GPC5: variants seen among roughly 807,000 people sequenced by gnomAD.
GPC5 encodes the protein glypican-5.
GPC5 carries 47 observed loss-of-function variants against 53.9 expected under a neutral mutation model. The ratio of observed to expected loss-of-function variants is 0.87; its 90% confidence interval spans 0.69 to 1.11. GPC5 has a LOEUF of 1.11. Among genes scored for constraint, GPC5 ranks in the 50% most tolerant of loss-of-function variants. The probability of loss-of-function intolerance (pLI) is 0.00; values close to 1 mark genes in which losing one functional copy is unlikely to be tolerated. For synonymous variants in GPC5, 286 were observed against 263.3 expected (o/e 1.09, Z -0.84); for missense variants, 748 against 713.1 (o/e 1.05, Z -0.56).
In GPC5 at chr13:91,400,190, T is replaced by C. The variant is rs192726719; in HGVS notation, c.163+981T>C. ...ACAGACGAATCTGTGAGGTTACTGG[T>C]TGAACAAAGAACTTGTGGAGGACGC... On this transcript the variant is annotated intron_variant, in intron 1 of 7. Coordinates refer to ENST00000377067, the MANE Select transcript of GPC5 (RefSeq NM_004466.6). Among the ~76,000 whole-genome samples the C allele has an allele frequency of 1.7e-4, 26 of 152,280 alleles. No individual in the cohort carries two copies. The East Asian group carries it at 2.5e-3, about 15-fold the overall frequency.
chr13:91,404,707 C>A (rs188407067), intron 1 of GPC5, among the ~76,000 whole-genome samples: 1 of 152,146 alleles, frequency 6.6e-6, no homozygotes, highest in Non-Finnish European at 1.5e-5. Flanking sequence ...TGCAGTGTAC[C>A]TTTATAGAAA....
At chr13:92,722,322 T>TA (rs1818599500) in intron 7 of GPC5, among the ~76,000 whole-genome samples, 1 of 151,976 alleles carries the variant, frequency 6.6e-6, no homozygotes, top group African/African-American at 2.4e-5. Context: ...TTTACTTATA[T>TA]AGACACTATC....
intron 6 of GPC5, among the ~76,000 whole-genome samples, chr13:92,014,465 A>G (rs2040689857): frequency 6.6e-6 from 1 of 152,162 alleles, no homozygotes; most frequent in African/African-American, 2.4e-5. Context: ...TTTCTGGTAT[A>G]ATTCAGAAAA....
At chr13:92,823,681 A>T (rs886793434) in intron 7 of GPC5, among the ~76,000 whole-genome samples, 10 of 152,134 alleles carry the variant, frequency 6.6e-5, no homozygotes, top group African/African-American at 2.4e-4. Flanking sequence ...CATTGCAATT[A>T]AAAAATACAG....
intron 6 of GPC5, among the ~76,000 whole-genome samples, chr13:91,942,207 A>G (rs2039933727): frequency 6.6e-6 from 1 of 152,096 alleles, no homozygotes; most frequent in African/African-American, 2.4e-5. Flanking sequence ...TTCTTTAAGG[A>G]TCCCATATTT....
chr13:91,815,934 T>C (rs2038392387), intron 5 of GPC5, among the ~76,000 whole-genome samples: 1 of 152,178 alleles, frequency 6.6e-6, no homozygotes, highest in Non-Finnish European at 1.5e-5. Flanking sequence ...CCCCAGCACA[T>C]CATGAAATAC....
chr13:92,574,905 G>A (rs139035130), intron 7 of GPC5, among the ~76,000 whole-genome samples: 174 of 152,220 alleles, frequency 1.1e-3, no homozygotes, highest in African/African-American at 4.0e-3. Context: ...TCTCAGAATG[G>A]ACCAAAAGGA....
intron 5 of GPC5, among the ~76,000 whole-genome samples, chr13:91,760,487 A>G (rs1472184514): frequency 6.6e-6 from 1 of 152,312 alleles, no homozygotes; most frequent in South Asian, 2.1e-4. Flanking sequence ...TGGGGATGAT[A>G]GAGTGTTTTC....
intron 5 of GPC5, among the ~76,000 whole-genome samples, chr13:91,906,732 A>G (rs1378009120): frequency 6.6e-6 from 1 of 151,958 alleles, no homozygotes; most frequent in Non-Finnish European, 1.5e-5. Flanking sequence ...ATTTTTATTA[A>G]TTCTAAGTTG....
intron 7 of GPC5, among the ~76,000 whole-genome samples, chr13:92,219,129 C>T (rs762719443): frequency 2.0e-5 from 3 of 152,088 alleles, no homozygotes; most frequent in Non-Finnish European, 2.9e-5. Flanking sequence ...GGTTTGGACT[C>T]TCCAGTTCAA....
chr13:92,489,149 A>G (rs1879666603), intron 7 of GPC5, among the ~76,000 whole-genome samples: 1 of 152,214 alleles, frequency 6.6e-6, no homozygotes, highest in African/African-American at 2.4e-5. Context: ...CAAGGTGGCT[A>G]GTCTACTGCT....
intron 7 of GPC5, among the ~76,000 whole-genome samples, chr13:92,154,236 C>G (rs1474266221): frequency 6.6e-6 from 1 of 152,138 alleles, no homozygotes; most frequent in East Asian, 1.9e-4. Flanking sequence ...GGGCACCAAG[C>G]CATTCATGAG....
intron 1 of GPC5, among the ~76,000 whole-genome samples, chr13:91,413,374 A>G (rs958294352): frequency 2.6e-5 from 4 of 152,206 alleles, no homozygotes; most frequent in African/African-American, 9.7e-5. Flanking sequence ...AACTACTTAC[A>G]TATCGATTTA....
rs180684163 is a variant in GPC5 at position 92,605,589 on chromosome 13, T to A, written c.1562-260693T>A. On this transcript the variant is annotated intron_variant, in intron 7 of 7. Transcript: ENST00000377067. ...CCGTATTCACTAGTTTTTTTTTTTT[T>A]TTTATTTTTTTGAGACGGAGTCTCG... Among the ~76,000 whole-genome samples, 33 of 149,650 alleles carry A rather than the reference T, an allele frequency of 2.2e-4. 1 individual carries two copies. The highest frequency in any genetic ancestry group is 3.4e-3 in the Middle Eastern group (1 of 290).
intron 7 of GPC5, among the ~76,000 whole-genome samples, chr13:92,321,787 G>A (rs1167594999): frequency 1.3e-5 from 2 of 152,088 alleles, no homozygotes; most frequent in Non-Finnish European, 2.9e-5. Flanking sequence ...CAACTTACAT[G>A]TTCATTGCAT....
In GPC5 at chr13:91,943,352, T is replaced by TC. The variant is rs560809925; in HGVS notation, c.1401+35295_1401+35296insC. 5.2e-4 allele frequency among the ~76,000 whole-genome samples: 79 copies of TC among 152,132 alleles called. No homozygotes were observed. In the South Asian group the frequency reaches 8.5e-3, roughly 16 times the overall value. The stretch of plus-strand genomic sequence containing the variant: ...AAAGTTTATTGCTTCACTGAAGCTT[T>TC]TTTTTTTTAACTGACCATCTATGAA... On this transcript the variant is annotated intron_variant, in intron 6 of 7. Coordinates refer to ENST00000377067, the MANE Select transcript of GPC5 (RefSeq NM_004466.6).
intron 7 of GPC5, among the ~76,000 whole-genome samples, chr13:92,560,828 A>G (rs1011239638): frequency 1.3e-5 from 2 of 151,068 alleles, no homozygotes; most frequent in Non-Finnish European, 3.0e-5. Flanking sequence ...TCCTCAACGA[A>G]TATAAATGTT....
At chr13:92,623,593 T>G (rs1884947550) in intron 7 of GPC5, among the ~76,000 whole-genome samples, 2 of 152,352 alleles carry the variant, frequency 1.3e-5, no homozygotes, top group Middle Eastern at 3.4e-3. Context: ...TTCCTTTGTC[T>G]GCAAGTTACG....
chr13:92,852,471 T>C (rs1165999048), intron 7 of GPC5, among the ~76,000 whole-genome samples: 1 of 152,232 alleles, frequency 6.6e-6, no homozygotes, highest in Non-Finnish European at 1.5e-5. Context: ...ATTTATGACA[T>C]AATTCCTGCA....
Sources: gnomAD v4.1 joint callset for allele counts (sites outside exome capture counted in the v4.1 genomes callset) on GRCh38, gnomAD v4.1.1 for gene constraint, MANE v1.5 for transcripts, NCBI Gene and HGNC (gene_info 2026-07-23, HGNC 2026-07-21) for gene names.